The following ASPSCR1 variants were observed in gnomAD, a reference collection of about 807,000 sequenced individuals.
ASPSCR1 encodes the protein ASPSCR1 tether for SLC2A4, UBX domain containing, also known as tether containing UBX domain for GLUT4.
ASPSCR1 carries 55 observed loss-of-function variants against 68.9 expected under a neutral mutation model. The ratio of observed to expected loss-of-function variants is 0.80; its 90% CI spans 0.64 to 1.00. The LOEUF (loss-of-function observed/expected upper bound fraction) is 1.00, where lower values mean the gene tolerates loss of function less well. ASPSCR1 is among the 50% of genes least tolerant of loss of function. ASPSCR1 has a pLI of 0.00. For synonymous variants in ASPSCR1, 352 were observed against 332.6 expected (o/e 1.06, Z -0.63); for missense variants, 765 against 762.2 (o/e 1.00, Z -0.04).
At position 81,986,263 on chromosome 17, in the gene ASPSCR1, A is replaced by G. The variant is rs1379707993; in HGVS notation, c.374+656A>G. Among the ~76,000 whole-genome samples the G allele has an allele frequency of 6.6e-6, 1 of 152,030 alleles. No homozygotes were observed. The highest frequency in any genetic ancestry group is 1.5e-5 in the Non-Finnish European group (1 of 68,008). ...ACATAGTGAAACCCCTTCTCTACAA[A>G]AAATAGAAATGTTAGGCCAGGCATA... On this transcript the variant is annotated intron_variant, in intron 4 of 15. Transcript: ENST00000306739. This position sits in a 1 kb window ranked among gnomAD's most constrained non-coding sequence, Gnocchi z 5.2.
intron 9 of ASPSCR1, chr17:82,009,915 C>CTT (rs36093868): frequency 7.9e-4 from 158 of 200,042 alleles, no homozygotes; most frequent in South Asian, 2.2e-3. Flanking sequence ...AGAATGAAAC[C>CTT]TTTTTTTTTT....
intron 3 of ASPSCR1, among the ~76,000 whole-genome samples, chr17:81,984,955 ACCC>A (rs1473824972): frequency 3.1e-5 from 2 of 65,444 alleles, no homozygotes; most frequent in Admixed American, 2.0e-4. Flanking sequence ...ACCCGCACAC[ACCC>A]CACACACCTG....
At chr17:81,998,803 T>C (rs1160369831) in intron 7 of ASPSCR1, among the ~76,000 whole-genome samples, 1 of 152,236 alleles carries the variant, frequency 6.6e-6, no homozygotes, top group Non-Finnish European at 1.5e-5. Flanking sequence ...TTCTGGAAGT[T>C]CTCCGAAGGT....
Position 82,014,839 on chromosome 17 carries a change from C to G in ASPSCR1, c.1354-1637C>G, listed in dbSNP as rs2043067736. 6 of 586,288 alleles carry G rather than the reference C, an allele frequency of 1.0e-5. No individual in the cohort carries two copies. The Admixed American group carries it at 1.6e-4, about 15-fold the overall frequency. 36.3% of individuals were successfully genotyped at this position (586,288 alleles called of 1,614,324 possible). On this transcript the variant is annotated intron_variant, in intron 12 of 15. Coordinates refer to ENST00000306739, the MANE Select transcript of ASPSCR1 (RefSeq NM_024083.4). Reference sequence around the variant, plus strand: ...AGCAGAGAGGCGGCTGGATTTGGGGCCCCAGTGTCCTGGGCGGCAGCTAGG... The same window carrying G: ...AGCAGAGAGGCGGCTGGATTTGGGGGCCCAGTGTCCTGGGCGGCAGCTAGG...
rs111277254 is a variant in ASPSCR1, at chr17:82,010,834, C to T, written c.1203C>T (p.Tyr401=). ...TGAGGGTCCTGTTCCCCGACCGCTA[C>T]GTCCTACAGGGCTTCTTCCGCCCCA... ...VALRVLFPDR[Y]VLQGFFRPSE... Residue 401 remains tyrosine (Y), a synonymous_variant, in exon 10 of 16, where the codon TAC becomes TAT. Coordinates refer to ENST00000306739, the MANE Select transcript of ASPSCR1 (RefSeq NM_024083.4). The T allele has an allele frequency of 3.0e-3, 4,898 of 1,613,154 alleles. 138 individuals are homozygous for T. The African/African-American group carries it at 0.057, about 19-fold the overall frequency.
chr17:82,007,819 C>T (rs1418931225), intron 7 of ASPSCR1: 3 of 152,262 alleles, frequency 2.0e-5, no homozygotes, highest in East Asian at 3.9e-4. Context: ...TGTGGGGGGC[C>T]GCCTGGCGCC....
intron 10 of ASPSCR1, 102 bp downstream of exon 10, chr17:82,010,970 C>G (rs1203080264): frequency 1.4e-6 from 2 of 1,399,994 alleles, no homozygotes; most frequent in Admixed American, 1.9e-5. Flanking sequence ...ACCTGGCCTG[C>G]GGGCTCCAGG....
intron 9 of ASPSCR1, among the ~76,000 whole-genome samples, chr17:82,010,546 A>AG (rs2042901129): frequency 6.6e-6 from 1 of 150,482 alleles, no homozygotes; most frequent in African/African-American, 2.5e-5. Flanking sequence ...AAAAAAAAAA[A>AG]AAAAAACCAG....
At chr17:82,001,247 G>T (rs2042519093) in intron 7 of ASPSCR1, among the ~76,000 whole-genome samples, 1 of 152,174 alleles carries the variant, frequency 6.6e-6, no homozygotes, top group Non-Finnish European at 1.5e-5. Context: ...AGGTGCTGTT[G>T]ACCCTGGGCA....
intron 9 of ASPSCR1, chr17:82,010,176 C>A (rs1401077665): frequency 1.6e-5 from 4 of 242,442 alleles, no homozygotes; most frequent in Admixed American, 1.1e-4. Flanking sequence ...CCCGCCTCGG[C>A]CTCCCAAAGT....
rs1051900689 is a variant in ASPSCR1 at position 82,003,446 on chromosome 17, TCAAAA to T, written c.934-5588_934-5584del. Among the ~76,000 whole-genome samples, 173 of 152,336 alleles carry T rather than the reference TCAAAA, an allele frequency of 1.1e-3. 1 individual carries two copies. Among genetic ancestry groups the T allele is most frequent in the African/African-American group, 4.0e-3 (168 of 41,582 alleles). ...CTGGGCAACAGAGCGAGACGCTGTC[TCAAAA>T]CAGAAACATCTCTGCTTTGGGCCTT... On this transcript the variant is annotated intron_variant, in intron 7 of 15. Coordinates refer to ENST00000306739, the MANE Select transcript of ASPSCR1 (RefSeq NM_024083.4).
Position 82,016,881 on chromosome 17 carries a change from T to G in ASPSCR1, c.1475+12T>G, listed in dbSNP as rs1172180888. The stretch of plus-strand genomic sequence containing the variant: ...GTGCTGGTGGCCAGGTAAGTGCCGG[T>G]GGGTCTGGGGGCACCTCCCGTGGCG... On this transcript the variant is annotated intron_variant, in intron 14 of 15. Coordinates refer to ENST00000306739, the MANE Select transcript of ASPSCR1 (RefSeq NM_024083.4). 2 of 1,612,410 alleles carry G rather than the reference T, an allele frequency of 1.2e-6. No homozygotes were observed. Among genetic ancestry groups the G allele is most frequent in the Non-Finnish European group, 1.7e-6 (2 of 1,179,932 alleles).
rs547600313 is a variant in ASPSCR1, at chr17:81,990,585, G to A, written c.375-4236G>A. 6.6e-6 allele frequency among the ~76,000 whole-genome samples: 1 copy of A among 152,218 alleles called. No homozygotes were observed. Among genetic ancestry groups the A allele is most frequent in the South Asian group, 2.1e-4 (1 of 4,822 alleles). Reference sequence around the variant, plus strand: ...TTTGGGATCTTCCACGCCGAGCTCTGGGGGACACTGCTCTCTGCCTGCCTG... The same window carrying A: ...TTTGGGATCTTCCACGCCGAGCTCTAGGGGACACTGCTCTCTGCCTGCCTG... On this transcript the variant is annotated intron_variant, in intron 4 of 15. Coordinates refer to ENST00000306739, the MANE Select transcript of ASPSCR1 (RefSeq NM_024083.4). The surrounding 1 kb of genome is among the most constrained non-coding windows in gnomAD (Gnocchi z 4.1).
intron 9 of ASPSCR1, chr17:82,009,938 T>C: frequency 4.4e-6 from 1 of 227,916 alleles, no homozygotes; most frequent in South Asian, 3.9e-5. Flanking sequence ...TGAGACGGAG[T>C]CTCTCTCTGT....
Position 81,977,751 on chromosome 17 carries a change from G to A in ASPSCR1, c.102+3G>A, listed in dbSNP as rs2041644684. The A allele has an allele frequency of 4.9e-6, 6 of 1,229,718 alleles. No homozygotes were observed. The highest frequency in any genetic ancestry group is 6.1e-6 in the Non-Finnish European group (6 of 984,950). The allele number at this position is 1,229,718 out of a possible 1,614,324, so 76.2% of individuals were successfully genotyped here. ...CGCCGAGCACCGTGCTGCTTCAGGT[G>A]CGGCCGCCCGCCCGGGGCGGACGGG... On this transcript the variant is annotated splice_donor_region_variant and intron_variant, in intron 1 of 15. Coordinates refer to ENST00000306739, the MANE Select transcript of ASPSCR1 (RefSeq NM_024083.4). This position sits in a 1 kb window ranked among gnomAD's most constrained non-coding sequence, Gnocchi z 5.0.
At chr17:81,995,598 C>T (rs1219996454) in intron 5 of ASPSCR1, 5 of 399,942 alleles carry the variant, frequency 1.3e-5, no homozygotes, top group Admixed American at 4.1e-5. Context: ...TCCCTGCCCA[C>T]CCCGAGCTGA....
At chr17:81,984,065 C>G (rs2041883748) in intron 3 of ASPSCR1, among the ~76,000 whole-genome samples, 1 of 151,934 alleles carries the variant, frequency 6.6e-6, no homozygotes, top group Non-Finnish European at 1.5e-5. Context: ...TGTTGGCCTG[C>G]TGGTCTGGAA....
Position 81,978,611 on chromosome 17 carries a change from G to A in ASPSCR1, c.103-573G>A, listed in dbSNP as rs139997963. On this transcript the variant is annotated intron_variant, in intron 1 of 15. Transcript: ENST00000306739. ...AAGGTGCACACGACTCGGAGTTTGCGGGAGCAGCCCACGGCGTGGGGTCCC... is the reference window on the plus strand; with the variant it reads ...AAGGTGCACACGACTCGGAGTTTGCAGGAGCAGCCCACGGCGTGGGGTCCC... 598 of 153,450 alleles carry A rather than the reference G, an allele frequency of 3.9e-3. 2 individuals are homozygous for A. The highest frequency in any genetic ancestry group is 6.1e-3 in the Non-Finnish European group (418 of 68,730). 9.5% of individuals were successfully genotyped at this position (153,450 alleles called of 1,614,324 possible).
chr17:82,011,412 G>A, intron 10 of ASPSCR1, 131 bp from the exon 11 acceptor site: 1 of 869,668 alleles, frequency 1.1e-6, no homozygotes, highest in South Asian at 1.8e-5. Context: ...GAGTGCTGTG[G>A]GAGGAACAGG....
Sources: gnomAD v4.1 joint callset for allele counts (sites outside exome capture counted in the v4.1 genomes callset) on GRCh38, gnomAD v4.1.1 for gene constraint, Gnocchi (gnomAD v3.1) non-coding constraint, MANE v1.5 for transcripts, NCBI Gene and HGNC (gene_info 2026-07-23, HGNC 2026-07-21) for gene names.